The following THOC2 variants were observed in gnomAD, a reference collection of about 807,000 sequenced individuals.
THOC2 encodes THO complex subunit 2.
A neutral mutation model predicts 128.4 loss-of-function variants in THOC2; 10 were observed. The observed-to-expected ratio is 0.08, with a 90% CI of 0.05 to 0.13. The LOEUF is 0.13. Ranked by LOEUF, THOC2 falls within the 10% of genes least tolerant of loss-of-function variation. The pLI, the probability that THOC2 is intolerant of heterozygous loss-of-function variation, is 1.00. For synonymous variants in THOC2, 393 were observed against 396.9 expected, an observed-to-expected ratio of 0.99 and a Z score of 0.12; for missense variants, 535 against 1,155.7, an observed-to-expected ratio of 0.46 and a Z score of 7.79.
At chrX:123,645,456 C>CT (rs1319766039) in intron 12 of THOC2, 81 bp from the exon 13 acceptor site, 10 of 539,968 alleles carry the variant, frequency 1.9e-5, no homozygotes, top group Non-Finnish European at 2.6e-5. Context: ...TTTGAAAAAA[C>CT]TTTAACTTGC....
chrX:123,633,849 T>C, intron 20 of THOC2, 104 bp downstream of exon 20: 1 of 500,707 alleles, frequency 2.0e-6, no homozygotes, highest in Non-Finnish European at 3.3e-6. Flanking sequence ...ATGTATGGCT[T>C]TGACATTTGG....
chrX:123,622,973 T>C, intron 29 of THOC2, 113 bp from the exon 30 acceptor site: 13 of 858,724 alleles, frequency 1.5e-5, no homozygotes, highest in Non-Finnish European at 2.0e-5. Flanking sequence ...GATTACTTCT[T>C]AACGCTTATA....
At chrX:123,698,596 C>T (rs377231261) in intron 4 of THOC2, among the ~76,000 whole-genome samples, 74 of 109,503 alleles carry the variant, frequency 6.8e-4, no homozygotes, top group African/African-American at 2.2e-3. Context: ...TATTTTTGGC[C>T]GGGTACAGTG....
chrX:123,626,078 A>T lies in THOC2; in HGVS notation c.2900-9T>A. 6.0e-6 allele frequency: 7 copies of T among 1,165,693 alleles called. No individual in the cohort carries two copies. Among genetic ancestry groups the T allele is most frequent in the Non-Finnish European group, 8.2e-6 (7 of 858,068 alleles). The stretch of plus-strand genomic sequence containing the variant: ...CTCATTTTTGGTAGATTCTAAAAAT[A>T]AAGGAAGAATATATTAAGTGGTAAA... On this transcript the variant is annotated splice_polypyrimidine_tract_variant and intron_variant, in intron 24 of 38. Transcript: ENST00000245838.
intron 10 of THOC2, among the ~76,000 whole-genome samples, chrX:123,667,759 T>TAA (rs1254245260): frequency 9.8e-6 from 1 of 102,149 alleles, no homozygotes; most frequent in Non-Finnish European, 2.0e-5. Flanking sequence ...ATAAATTTAT[T>TAA]AAAAAAAAAA....
intron 7 of THOC2, among the ~76,000 whole-genome samples, chrX:123,692,937 G>A (rs749756642): frequency 9.0e-6 from 1 of 111,706 alleles, no homozygotes; most frequent in South Asian, 3.8e-4. Context: ...GATGAAGGAG[G>A]TATTACCTGT....
chrX:123,616,996 T>C (rs2046919426), intron 33 of THOC2, among the ~76,000 whole-genome samples: 1 of 110,681 alleles, frequency 9.0e-6, no homozygotes, highest in Non-Finnish European at 1.9e-5. Flanking sequence ...CAAGATAATA[T>C]GAAAATAGAT....
chrX:123,712,135 C>T (rs905871909), intron 2 of THOC2, among the ~76,000 whole-genome samples: 3 of 109,640 alleles, frequency 2.7e-5, no homozygotes, highest in African/African-American at 9.9e-5. Context: ...AATAGAATAT[C>T]GGTTATAAAA....
At chrX:123,705,607 T>C (rs1056971939) in intron 3 of THOC2, among the ~76,000 whole-genome samples, 2 of 111,196 alleles carry the variant, frequency 1.8e-5, no homozygotes, top group African/African-American at 6.5e-5. Flanking sequence ...CTGGAGATAA[T>C]TTAGAGACAA....
intron 3 of THOC2, among the ~76,000 whole-genome samples, chrX:123,704,758 T>G (rs1322762263): frequency 1.8e-5 from 2 of 111,519 alleles, no homozygotes; most frequent in Non-Finnish European, 3.8e-5. Context: ...CTCGGGAGGC[T>G]GAGGCAGGAG....
chrX:123,662,669 T>G lies in THOC2; in HGVS notation c.1386+2973A>C, dbSNP rs1486023841. 3.7e-5 allele frequency among the ~76,000 whole-genome samples: 4 copies of G among 108,154 alleles called. No individual in the cohort carries two copies. The Admixed American group carries it at 4.0e-4, about 11-fold the overall frequency. 93.9% of individuals were successfully genotyped at this position (108,154 alleles called of 115,157 possible). A position where few individuals can be genotyped will look rare whatever the true frequency, so the allele number is the denominator to read the frequency against. Reference sequence around the variant, plus strand: ...TGCTGTCAAAAGATAGTTAACAAAATGAAAAGGCAAATCAGACTAAGAAAA... The same window carrying G: ...TGCTGTCAAAAGATAGTTAACAAAAGGAAAAGGCAAATCAGACTAAGAAAA... On this transcript the variant is annotated intron_variant, in intron 12 of 38. Transcript: ENST00000245838.
chrX:123,633,772 A>T (rs1399996108), intron 20 of THOC2, among the ~76,000 whole-genome samples, 181 bp downstream of exon 20: 1 of 112,023 alleles, frequency 8.9e-6, no homozygotes, highest in Non-Finnish European at 1.9e-5. Flanking sequence ...CAGCTTTTTT[A>T]AAAAGTTAAA....
intron 8 of THOC2, among the ~76,000 whole-genome samples, chrX:123,678,199 C>T (rs6648536): frequency 0.36 from 39,853 of 109,319 alleles, 5,648 homozygotes; most frequent in East Asian, 0.67. Flanking sequence ...TGTAAGCAGA[C>T]AATGCGCCAT....
At chrX:123,637,391 G>A (rs1245152454) in intron 18 of THOC2, among the ~76,000 whole-genome samples, 1 of 111,416 alleles carries the variant, frequency 9.0e-6, no homozygotes, top group Non-Finnish European at 1.9e-5. Flanking sequence ...TAAGATGACT[G>A]GAACCTCAGG....
At chrX:123,663,621 CTG>C (rs1237054735) in intron 12 of THOC2, among the ~76,000 whole-genome samples, 2 of 105,081 alleles carry the variant, frequency 1.9e-5, no homozygotes, top group African/African-American at 7.2e-5. Context: ...AGGTACTATT[CTG>C]TTTTTTTTTT....
chrX:123,607,853 G>T (rs1446855178), intron 38 of THOC2, among the ~76,000 whole-genome samples: 1 of 110,204 alleles, frequency 9.1e-6, no homozygotes, highest in Non-Finnish European at 1.9e-5. Flanking sequence ...TAAATAGACG[G>T]TTCCAATCAG....
chrX:123,724,950 C>T (rs748578451), intron 1 of THOC2, among the ~76,000 whole-genome samples: 38 of 110,195 alleles, frequency 3.4e-4, no homozygotes, highest in Non-Finnish European at 9.5e-5. Context: ...TGGTAGCACG[C>T]GCCTGTGGGC....
chrX:123,715,080 C>T (rs1269341245), intron 1 of THOC2, among the ~76,000 whole-genome samples: 3 of 98,089 alleles, frequency 3.1e-5, no homozygotes, highest in Non-Finnish European at 6.0e-5. Context: ...ACTGTAATGG[C>T]AAAATCTTGG....
intron 38 of THOC2, 34 bp from the exon 39 acceptor site, chrX:123,601,372 A>AG (rs1865179348): frequency 1.9e-5 from 2 of 107,903 alleles, no homozygotes; most frequent in African/African-American, 6.8e-5. Context: ...TTGATAGAGA[A>AG]GAAGGAAGGA....
Sources: gnomAD v4.1 joint callset for allele counts (sites outside exome capture counted in the v4.1 genomes callset) on GRCh38, gnomAD v4.1.1 for gene constraint, MANE v1.5 for transcripts, NCBI Gene and HGNC (gene_info 2026-07-23, HGNC 2026-07-21) for gene names.